The following RGS6 variants were observed in gnomAD, a reference collection of about 807,000 sequenced individuals.
RGS6 encodes the protein regulator of G-protein signaling 6.
Under a neutral mutation model 78.5 loss-of-function variants are expected in RGS6, and 30 were observed. The ratio of observed to expected loss-of-function variants is 0.38; its 90% CI spans 0.29 to 0.52. The LOEUF is 0.52. Among genes scored for constraint, RGS6 ranks in the 20% least tolerant of loss-of-function variants. The pLI, the probability that RGS6 is intolerant of heterozygous loss-of-function variation, is 0.85. For missense variants in RGS6, 495 were observed against 609.7 expected (o/e 0.81, Z 1.98); for synonymous variants, 206 against 206.0 (o/e 1.00, Z 0.00).
intron 12 of RGS6, among the ~76,000 whole-genome samples, chr14:72,490,571 C>G (rs763329348): frequency 2.0e-4 from 30 of 152,280 alleles, no homozygotes; most frequent in Middle Eastern, 3.4e-3. Flanking sequence ...TTTGGAGATG[C>G]TTTCCCATTT....
At chr14:72,379,072 A>G (rs1455241209) in intron 3 of RGS6, among the ~76,000 whole-genome samples, 1 of 152,136 alleles carries the variant, frequency 6.6e-6, no homozygotes, top group Admixed American at 6.5e-5. Flanking sequence ...ATAGAATGAA[A>G]CACAAAAGTT....
intron 2 of RGS6, among the ~76,000 whole-genome samples, chr14:72,247,465 G>A (rs1180174464): frequency 6.6e-6 from 1 of 152,150 alleles, no homozygotes; most frequent in East Asian, 1.9e-4. Flanking sequence ...GTGACCAAAT[G>A]CAATTGCTTA....
At chr14:72,585,413 C>G in the RGS6 span, among the ~76,000 whole-genome samples, 147,819 of 152,274 alleles carry the variant, frequency 0.97, 71,771 homozygotes, top group Non-Finnish European at 0.98. Flanking sequence ...GAGCTCTTCA[C>G]ATCCCACCTG....
At position 72,152,572 on chromosome 14, in the gene RGS6, C is replaced by G. The variant is rs565957494; in HGVS notation, c.84+187697C>G. Reference sequence around the variant, plus strand: ...ACAGTTGTTTTGTAAACTAACAACACTTGAAGAAGGTTTTAGCAGAAAACG... The same window carrying G: ...ACAGTTGTTTTGTAAACTAACAACAGTTGAAGAAGGTTTTAGCAGAAAACG... On this transcript the variant is annotated intron_variant, in intron 2 of 17. Transcript: ENST00000553525. Among the ~76,000 whole-genome samples the G allele has an allele frequency of 1.3e-3, 192 of 152,198 alleles. 1 individual carries two copies. Among genetic ancestry groups the G allele is most frequent in the Non-Finnish European group, 2.6e-3 (174 of 68,012 alleles).
intron 2 of RGS6, among the ~76,000 whole-genome samples, chr14:72,138,927 A>G (rs781115168): frequency 5.9e-5 from 9 of 152,138 alleles, no homozygotes; most frequent in Non-Finnish European, 1.3e-4. Flanking sequence ...ATGTAATGAT[A>G]ATAAAGCGTA....
rs145913480 is a variant in RGS6, at chr14:72,304,122, G to A, written c.85-47973G>A. ...CTCTCCCCCTTGTTACTACATAGCCGGCCTCCCACAGCCCTTGTGGTTTGC... is the reference window on the plus strand; with the variant it reads ...CTCTCCCCCTTGTTACTACATAGCCAGCCTCCCACAGCCCTTGTGGTTTGC... On this transcript the variant is annotated intron_variant, in intron 2 of 17. Transcript: ENST00000553525. Among the ~76,000 whole-genome samples, 103 of 152,252 alleles carry A rather than the reference G, an allele frequency of 6.8e-4. 1 individual carries two copies. Among genetic ancestry groups the A allele is most frequent in the African/African-American group, 2.3e-3 (95 of 41,542 alleles).
chr14:72,622,461 C>T, the RGS6 span, among the ~76,000 whole-genome samples: 1 of 152,062 alleles, frequency 6.6e-6, no homozygotes, highest in Non-Finnish European at 1.5e-5. Flanking sequence ...AGGATGGAGA[C>T]AGAAAACAGA....
intron 2 of RGS6, among the ~76,000 whole-genome samples, chr14:71,991,770 C>T (rs1039834535): frequency 6.6e-6 from 1 of 152,120 alleles, no homozygotes; most frequent in African/African-American, 2.4e-5. Context: ...TTTCTTGTGA[C>T]AGTCAATATT....
intron 2 of RGS6, among the ~76,000 whole-genome samples, chr14:72,131,066 C>T (rs1408209436): frequency 6.6e-6 from 1 of 152,206 alleles, no homozygotes; most frequent in Non-Finnish European, 1.5e-5. Context: ...GTTGCCTTGC[C>T]CATCTTGTGT....
chr14:72,510,851 TCATCTGACGCCAGTGAGAA>T (rs1338309585), intron 14 of RGS6, among the ~76,000 whole-genome samples: 9 of 152,238 alleles, frequency 5.9e-5, no homozygotes, highest in Non-Finnish European at 1.2e-4. Context: ...GTTACTCTGA[TCATCTGACGCCAGTGAGAA>T]CACCTGATTG....
At chr14:72,162,807 C>A (rs1225022376) in intron 2 of RGS6, among the ~76,000 whole-genome samples, 1 of 152,076 alleles carries the variant, frequency 6.6e-6, no homozygotes, top group Non-Finnish European at 1.5e-5. Context: ...TATATACACA[C>A]ACACACATAT....
intron 2 of RGS6, among the ~76,000 whole-genome samples, chr14:72,310,382 G>A (rs988038433): frequency 2.0e-5 from 3 of 152,194 alleles, no homozygotes; most frequent in African/African-American, 7.2e-5. Flanking sequence ...AAAATACTGA[G>A]CTTTGTCTTT....
intron 10 of RGS6, among the ~76,000 whole-genome samples, chr14:72,476,135 G>A (rs1273274320): frequency 1.3e-5 from 2 of 152,094 alleles, no homozygotes; most frequent in Non-Finnish European, 2.9e-5. Context: ...TCCGTAATAC[G>A]AGGAACAGCT....
intron 2 of RGS6, among the ~76,000 whole-genome samples, chr14:72,297,983 T>C (rs929816868): frequency 6.6e-6 from 1 of 152,120 alleles, no homozygotes; most frequent in Non-Finnish European, 1.5e-5. Context: ...TAATTTGTTT[T>C]AGTTTATTTA....
chr14:72,497,107 G>A (rs1345319824), intron 13 of RGS6, among the ~76,000 whole-genome samples: 1 of 152,108 alleles, frequency 6.6e-6, no homozygotes, highest in Non-Finnish European at 1.5e-5. Context: ...ATATTTTCCA[G>A]GAGTAGAATT....
chr14:72,087,872 T>C (rs1006423673), intron 2 of RGS6, among the ~76,000 whole-genome samples: 3 of 152,206 alleles, frequency 2.0e-5, no homozygotes, highest in Admixed American at 2.0e-4. Context: ...ATAAATTGCA[T>C]GGATGAGCTC....
At chr14:72,428,013 A>C (rs907297310) in intron 3 of RGS6, among the ~76,000 whole-genome samples, 1 of 152,154 alleles carries the variant, frequency 6.6e-6, no homozygotes, top group African/African-American at 2.4e-5. Flanking sequence ...AACAAAGGGC[A>C]TTGGAAAAGA....
intron 2 of RGS6, among the ~76,000 whole-genome samples, chr14:72,322,811 C>T (rs1466873466): frequency 6.6e-6 from 1 of 152,020 alleles, no homozygotes; most frequent in Non-Finnish European, 1.5e-5. Context: ...TCCATAAATA[C>T]TTGAACAGGT....
intron 3 of RGS6, among the ~76,000 whole-genome samples, chr14:72,413,346 C>G (rs2093569927): frequency 6.6e-6 from 1 of 152,106 alleles, no homozygotes; most frequent in Admixed American, 6.5e-5. Flanking sequence ...CTCTTTTGAT[C>G]TTTGTTGGTT....
Sources: allele counts gnomAD v4.1 joint callset (sites outside exome capture counted in the v4.1 genomes callset), GRCh38; gene constraint gnomAD v4.1.1; transcripts MANE v1.5; gene names NCBI Gene and HGNC (gene_info 2026-07-23, HGNC 2026-07-21).